UNC79: variants seen among roughly 807,000 people sequenced by gnomAD.
The protein encoded by UNC79 is unc-79 subunit of NALCN channel complex.
UNC79 carries 37 observed loss-of-function variants against 283.1 expected under a neutral mutation model. The observed-to-expected ratio is 0.13, with a 90% CI of 0.10 to 0.17. The LOEUF (loss-of-function observed/expected upper bound fraction) is 0.17. Among genes scored for constraint, UNC79 ranks in the 10% least tolerant of loss-of-function variants. The pLI, the probability that UNC79 is intolerant of heterozygous loss-of-function variation, is 1.00. For synonymous variants in UNC79, 1,107 were observed against 1,200.2 expected, an observed-to-expected ratio of 0.92 and a Z score of 1.61; for missense variants, 2,272 against 3,211.1, an observed-to-expected ratio of 0.71 and a Z score of 7.07.
chr14:93,599,378 G>GTGTGTA (rs941734047), intron 24 of UNC79, among the ~76,000 whole-genome samples: 4 of 151,414 alleles, frequency 2.6e-5, no homozygotes, highest in African/African-American at 9.8e-5. Context: ...GTGTGTGTGT[G>GTGTGTA]TGTGTGTATG....
intron 19 of UNC79, 143 bp downstream of exon 19, chr14:93,580,519 T>C: frequency 1.2e-6 from 1 of 833,368 alleles, no homozygotes; most frequent in Non-Finnish European, 1.8e-6. Context: ...ACTTTTCCCA[T>C]TGCTTCTGCC....
chr14:93,660,559 ATATATGTG>A (rs1276361343), intron 39 of UNC79, among the ~76,000 whole-genome samples: 8 of 86,846 alleles, frequency 9.2e-5, no homozygotes, highest in Non-Finnish European at 1.8e-4. Flanking sequence ...ATATATATAT[ATATATGTG>A]TGTGTGTGTG....
In UNC79 at chr14:93,654,039, A is replaced by G. The variant is rs935475602; in HGVS notation, c.6282+14A>G. The G allele has an allele frequency of 6.2e-7, 1 of 1,613,460 alleles. No homozygotes were observed. Among genetic ancestry groups the G allele is most frequent in the South Asian group, 1.1e-5 (1 of 91,054 alleles). ...CAGCTCCTAGAGGTGGGTTTCCTTT[A>G]ATGACACCCTAAGCCCCAGCCGAAA... On this transcript the variant is annotated intron_variant, in intron 37 of 48. Coordinates refer to ENST00000555664, the Ensembl canonical transcript of UNC79.
At chr14:93,608,357 C>T (rs935581326) in intron 26 of UNC79, among the ~76,000 whole-genome samples, 2 of 152,174 alleles carry the variant, frequency 1.3e-5, no homozygotes, top group Non-Finnish European at 1.5e-5. Context: ...GAGCTTTCTA[C>T]CAGCTGGAGA....
At chr14:93,549,747 G>T (rs570892733) in intron 14 of UNC79, among the ~76,000 whole-genome samples, 2 of 152,310 alleles carry the variant, frequency 1.3e-5, no homozygotes, top group East Asian at 1.9e-4. Flanking sequence ...AGCCAGATTG[G>T]TTACATCCTG....
chr14:93,575,284 T>A, intron 17 of UNC79, 86 bp downstream of exon 17: 1 of 1,552,540 alleles, frequency 6.4e-7, no homozygotes, highest in Non-Finnish European at 8.8e-7. Flanking sequence ...AGTACTGTCA[T>A]AAGAAACCAA....
rs746156650 is a variant in UNC79 at position 93,349,054 on chromosome 14, G to T, written c.-351+15531G>T. ...TGTAACACTCATGGCAAGGTCTGCA[G>T]CTTCACTCCTGAAGCCAGCGACACC... On this transcript the variant is annotated intron_variant, in intron 1 of 49. Transcript: ENST00000256339. Among the ~76,000 whole-genome samples, 6 of 152,174 alleles carry T rather than the reference G, an allele frequency of 3.9e-5. No individual in the cohort carries two copies. In the South Asian group the frequency reaches 1.2e-3, roughly 32 times the overall value.
At chr14:93,613,121 T>C in intron 27 of UNC79, 38 bp downstream of exon 28, 1 of 1,607,944 alleles carries the variant, frequency 6.2e-7, no homozygotes. Flanking sequence ...CACACCTTTA[T>C]ACTTTTAGTA....
chr14:93,617,336 C>G lies in UNC79; in HGVS notation c.4224+32C>G. Reference sequence around the variant, plus strand: ...TGGGTGGTCACTGCTGTTTTGGATGCAATGGTTCTCTTAGAGAGCATATAG... The same window carrying G: ...TGGGTGGTCACTGCTGTTTTGGATGGAATGGTTCTCTTAGAGAGCATATAG... On this transcript the variant is annotated intron_variant, in intron 28 of 48. Coordinates refer to ENST00000555664, the Ensembl canonical transcript of UNC79. The surrounding 1 kb of genome is among the most constrained non-coding windows in gnomAD (Gnocchi z 4.5). 1 of 1,608,506 alleles carries G rather than the reference C, an allele frequency of 6.2e-7. No homozygotes were observed. The highest frequency in any genetic ancestry group is 8.5e-7 in the Non-Finnish European group (1 of 1,176,680).
intron 22 of UNC79, among the ~76,000 whole-genome samples, chr14:93,589,172 A>G (rs915540301): frequency 7.9e-5 from 12 of 152,146 alleles, no homozygotes; most frequent in African/African-American, 2.9e-4. Flanking sequence ...CAGTGGACCA[A>G]CTTAGTAGGG....
At chr14:93,669,616 T>C (rs759117167) in intron 40 of UNC79, among the ~76,000 whole-genome samples, 10 of 152,280 alleles carry the variant, frequency 6.6e-5, no homozygotes, top group Admixed American at 2.0e-4. Context: ...TGTAAAATAT[T>C]ACAAGCCTTG....
intron 23 of UNC79, among the ~76,000 whole-genome samples, chr14:93,596,298 A>T (rs527348084): frequency 1.3e-5 from 2 of 152,360 alleles, no homozygotes; most frequent in East Asian, 1.9e-4. Flanking sequence ...TACAAAACAG[A>T]ATTTCAGCAG....
At chr14:93,541,616 A>C (rs2061374661) in intron 13 of UNC79, among the ~76,000 whole-genome samples, 1 of 152,204 alleles carries the variant, frequency 6.6e-6, no homozygotes, top group Admixed American at 6.5e-5. Flanking sequence ...TTTGAAGGCA[A>C]GGACAATGTT....
intron 25 of UNC79, 114 bp downstream of exon 25, chr14:93,600,884 C>T (rs546160278): frequency 1.8e-6 from 2 of 1,105,978 alleles, no homozygotes; most frequent in African/African-American, 3.1e-5. Flanking sequence ...GCCTTGACCT[C>T]ATGCACTCAA....
intron 31 of UNC79, among the ~76,000 whole-genome samples, chr14:93,635,618 C>A (rs1049292132): frequency 6.6e-6 from 1 of 152,186 alleles, no homozygotes; most frequent in African/African-American, 2.4e-5. Context: ...TACTTGCCCT[C>A]ATTATTCTTA....
upstream of UNC79, among the ~76,000 whole-genome samples, chr14:93,427,285 T>C (rs761581926): frequency 2.0e-5 from 3 of 152,170 alleles, no homozygotes; most frequent in Non-Finnish European, 4.4e-5. Context: ...GAGTATGCTA[T>C]TGGAGTCTTT....
intron 8 of UNC79, among the ~76,000 whole-genome samples, chr14:93,527,390 CA>C (rs1008504793): frequency 3.9e-5 from 6 of 152,122 alleles, no homozygotes; most frequent in Admixed American, 1.3e-4. Flanking sequence ...AAAATATTTA[CA>C]AAAAAAGTTT....
chr14:93,483,588 A>G (rs1027150644), intron 4 of UNC79, among the ~76,000 whole-genome samples: 22 of 150,668 alleles, frequency 1.5e-4, no homozygotes, highest in East Asian at 2.0e-4. Context: ...TTTGTTACAT[A>G]TGTATACATG....
At chr14:93,341,101 T>A (rs190159664) in intron 1 of UNC79, among the ~76,000 whole-genome samples, 311 of 152,218 alleles carry the variant, frequency 2.0e-3, no homozygotes, top group South Asian at 0.011. Flanking sequence ...ATAACAGAAA[T>A]CCATTGAAGA....
Sources: gnomAD v4.1 joint callset for allele counts (sites outside exome capture counted in the v4.1 genomes callset) on GRCh38, gnomAD v4.1.1 for gene constraint, Gnocchi (gnomAD v3.1) non-coding constraint, MANE v1.5 for transcripts, NCBI Gene and HGNC (gene_info 2026-07-23, HGNC 2026-07-21) for gene names.